Variants in LARS2 observed in about 807,000 individuals in gnomAD.
LARS2 encodes leucyl-tRNA synthetase 2, mitochondrial.
A neutral mutation model predicts 116.6 loss-of-function variants in LARS2; 81 were observed. The observed-to-expected ratio is 0.69, with a 90% CI of 0.58 to 0.84. LARS2 has a LOEUF of 0.84. Ranked by LOEUF, LARS2 falls within the 40% of genes least tolerant of loss-of-function variation. The pLI is 0.00. For missense variants in LARS2, 968 were observed against 1,114.5 expected, an observed-to-expected ratio of 0.87 and a Z score of 1.87; for synonymous variants, 396 against 407.2, an observed-to-expected ratio of 0.97 and a Z score of 0.33.
At chr3:45,405,939 A>G (rs1376007190) in intron 4 of LARS2, among the ~76,000 whole-genome samples, 2 of 152,146 alleles carry the variant, frequency 1.3e-5, no homozygotes, top group Admixed American at 6.6e-5. Context: ...TTCCACTGAC[A>G]TGGCCACATC....
rs763055123 is a variant in LARS2, at chr3:45,523,980, T to A, written c.2293-17T>A. The A allele has an allele frequency of 6.3e-7, 1 of 1,599,552 alleles. No individual in the cohort carries two copies. The highest frequency in any genetic ancestry group is 1.1e-5 in the South Asian group (1 of 90,750). ...TTTTACACCTCAGTCTTCTTACTTT[T>A]TTTTCCTCTTCCTTAGCAAGCCTCT... On this transcript the variant is annotated splice_polypyrimidine_tract_variant and intron_variant, in intron 19 of 21. Coordinates refer to ENST00000645846, the MANE Select transcript of LARS2 (RefSeq NM_015340.4).
At chr3:45,509,585 G>A (rs1337280991) in intron 15 of LARS2, 1 of 152,010 alleles carries the variant, frequency 6.6e-6, no homozygotes, top group East Asian at 1.9e-4. Flanking sequence ...ATTGCCTAGT[G>A]CTGTGTACCC....
chr3:45,423,437 T>G (rs796309982), intron 6 of LARS2, among the ~76,000 whole-genome samples: 3 of 152,266 alleles, frequency 2.0e-5, no homozygotes, highest in African/African-American at 7.2e-5. Flanking sequence ...CTCGGCCTCC[T>G]CAGTAGCTGG....
At chr3:45,502,000 T>C (rs1700130371) in intron 15 of LARS2, among the ~76,000 whole-genome samples, 1 of 152,226 alleles carries the variant, frequency 6.6e-6, no homozygotes, top group East Asian at 1.9e-4. Flanking sequence ...TGAGATATTT[T>C]GGTATGGGCA....
At chr3:45,446,512 C>T (rs1295419752) in intron 6 of LARS2, among the ~76,000 whole-genome samples, 1 of 152,190 alleles carries the variant, frequency 6.6e-6, no homozygotes, top group East Asian at 1.9e-4. Context: ...TTTGTGATTG[C>T]TTTCAAAATG....
At chr3:45,477,679 C>T (rs1405206522) in intron 10 of LARS2, among the ~76,000 whole-genome samples, 2 of 152,170 alleles carry the variant, frequency 1.3e-5, no homozygotes, top group East Asian at 1.9e-4. Context: ...TTAAATATTT[C>T]CACAAATATC....
At chr3:45,436,799 C>CAA (rs61468802) in intron 6 of LARS2, among the ~76,000 whole-genome samples, 35,949 of 121,056 alleles carry the variant, frequency 0.3, 5,817 homozygotes, top group Middle Eastern at 0.42. Flanking sequence ...AGACTCGTCT[C>CAA]AAAAAAAAAA....
At chr3:45,488,432 C>CAAAACA (rs894209926) in intron 11 of LARS2, among the ~76,000 whole-genome samples, 13 of 152,152 alleles carry the variant, frequency 8.5e-5, no homozygotes, top group East Asian at 3.9e-4. Context: ...GACTCTGTCT[C>CAAAACA]AAAACAAAAA....
chr3:45,388,787 C>T (rs753374341), intron 1 of LARS2, 107 bp downstream of exon 1: 3 of 152,326 alleles, frequency 2.0e-5, no homozygotes, highest in Non-Finnish European at 2.9e-5. Flanking sequence ...AAGGTGCGGG[C>T]TGGGTTAGGT....
chr3:45,514,594 A>G (rs1336680881), intron 16 of LARS2, among the ~76,000 whole-genome samples: 2 of 152,214 alleles, frequency 1.3e-5, no homozygotes, highest in Non-Finnish European at 2.9e-5. Flanking sequence ...AAGGCTGCCC[A>G]TGTATAGCTG....
At chr3:45,500,796 G>T (rs548278797) in intron 15 of LARS2, among the ~76,000 whole-genome samples, 3 of 152,292 alleles carry the variant, frequency 2.0e-5, no homozygotes, top group East Asian at 3.9e-4. Flanking sequence ...CTAGCCTTCA[G>T]TGCTTCTCTG....
chr3:45,390,634 A>G (rs894745193), intron 1 of LARS2, among the ~76,000 whole-genome samples: 15 of 140,360 alleles, frequency 1.1e-4, no homozygotes, highest in African/African-American at 3.7e-4. Flanking sequence ...TTTTATTTTT[A>G]TTATTTATTT....
intron 15 of LARS2, among the ~76,000 whole-genome samples, chr3:45,505,831 T>C (rs1700193566): frequency 6.6e-6 from 1 of 152,106 alleles, no homozygotes; most frequent in Middle Eastern, 3.2e-3. Context: ...AATCAGTAAA[T>C]TATTCAATGG....
chr3:45,408,246 C>T (rs898033685), intron 4 of LARS2, among the ~76,000 whole-genome samples: 3 of 152,234 alleles, frequency 2.0e-5, no homozygotes, highest in African/African-American at 7.2e-5. Context: ...CACCCTGGAG[C>T]AGGGCAGGGG....
chr3:45,405,446 C>T (rs183707447), intron 4 of LARS2, among the ~76,000 whole-genome samples: 132 of 152,276 alleles, frequency 8.7e-4, no homozygotes, highest in Non-Finnish European at 1.4e-3. Context: ...AAGCATACAA[C>T]TCCTTTGTTT....
chr3:45,405,283 AAC>A (rs1698217021), intron 4 of LARS2, among the ~76,000 whole-genome samples: 1 of 152,190 alleles, frequency 6.6e-6, no homozygotes, highest in African/African-American at 2.4e-5. Context: ...GGTCAAATGT[AAC>A]TAACATGTTT....
intron 7 of LARS2, among the ~76,000 whole-genome samples, chr3:45,454,451 T>C (rs1450698583): frequency 6.6e-6 from 1 of 152,176 alleles, no homozygotes. Context: ...ACTACCTTCT[T>C]TGGAATGTCC....
intron 20 of LARS2, among the ~76,000 whole-genome samples, chr3:45,532,950 T>C (rs1006120000): frequency 1.3e-5 from 2 of 152,032 alleles, no homozygotes; most frequent in Admixed American, 6.6e-5. Flanking sequence ...CCACCTCTTT[T>C]TACTGTGTTA....
Position 45,400,269 on chromosome 3 carries a change from C to A in LARS2, c.259C>A (p.Leu87Ile), listed in dbSNP as rs1389047908. The part of the protein sequence containing the change: ...ADKSKPKFYV[L>I]SMFPYPSGKL... The stretch of plus-strand genomic sequence containing the variant: ...GAAATCGAAGCCAAAATTTTACGTG[C>A]TTTCCATGTTCCCTTATCCTTCTGG... The change falls in exon 4 of 22, where the codon CTT becomes ATT. Residue 87 changes from leucine to isoleucine, a missense_variant. Coordinates refer to ENST00000645846, the MANE Select transcript of LARS2 (RefSeq NM_015340.4). 1 of 1,612,602 alleles carries A rather than the reference C, an allele frequency of 6.2e-7. No homozygotes were observed. The highest frequency in any genetic ancestry group is 8.5e-7 in the Non-Finnish European group (1 of 1,179,546).
Sources: gnomAD v4.1 joint callset for allele counts (sites outside exome capture counted in the v4.1 genomes callset) on GRCh38, gnomAD v4.1.1 for gene constraint, MANE v1.5 for transcripts, NCBI Gene and HGNC (gene_info 2026-07-23, HGNC 2026-07-21) for gene names.